Variants in GRIK4 observed in about 807,000 individuals in gnomAD.
The protein encoded by GRIK4 is glutamate receptor ionotropic, kainate 4.
In GRIK4, 40 loss-of-function variants were observed where a neutral mutation model predicts 104.9. That is an observed-to-expected ratio of 0.38 (90% CI 0.30 to 0.50). The LOEUF is 0.50. Ranked by LOEUF, GRIK4 falls within the 20% of genes least tolerant of loss-of-function variation. The probability of loss-of-function intolerance (pLI) is 0.93; values close to 1 mark genes in which losing one functional copy is unlikely to be tolerated. For synonymous variants in GRIK4, 485 were observed against 524.9 expected, an observed-to-expected ratio of 0.92 and a Z score of 1.04; for missense variants, 1,047 against 1,308.1, an observed-to-expected ratio of 0.80 and a Z score of 3.08.
chr11:120,888,449 T>C (rs1258218599), intron 11 of GRIK4, among the ~76,000 whole-genome samples: 1 of 152,214 alleles, frequency 6.6e-6, no homozygotes, highest in African/African-American at 2.4e-5. Context: ...AAGCCTTTAG[T>C]CCAGTACTTG....
chr11:120,614,410 G>A (rs1387808852), intron 1 of GRIK4, among the ~76,000 whole-genome samples: 1 of 152,180 alleles, frequency 6.6e-6, no homozygotes, highest in Non-Finnish European at 1.5e-5. Flanking sequence ...CTTGGGGCCT[G>A]TCCCATGTGC....
chr11:120,533,221 T>C (rs1947940203), intron 1 of GRIK4, among the ~76,000 whole-genome samples: 6 of 152,160 alleles, frequency 3.9e-5, no homozygotes, highest in Admixed American at 3.9e-4. Flanking sequence ...GAAAAGCACA[T>C]GTCACAGCTG....
intron 19 of GRIK4, among the ~76,000 whole-genome samples, chr11:120,978,515 A>T (rs976327078): frequency 1.3e-5 from 2 of 152,142 alleles, no homozygotes; most frequent in Non-Finnish European, 2.9e-5. Flanking sequence ...TTACTTGAGG[A>T]TGTGTCACAG....
chr11:120,596,622 C>G (rs1457476763), intron 1 of GRIK4, among the ~76,000 whole-genome samples: 2 of 152,082 alleles, frequency 1.3e-5, no homozygotes, highest in African/African-American at 4.8e-5. Context: ...CTCTGTCTCT[C>G]TATAAAGCAT....
chr11:120,536,344 G>C (rs182069181), intron 1 of GRIK4, among the ~76,000 whole-genome samples: 6 of 152,254 alleles, frequency 3.9e-5, no homozygotes, highest in African/African-American at 1.4e-4. Context: ...AAAGCTTTCC[G>C]AGTCTATGTG....
intron 11 of GRIK4, among the ~76,000 whole-genome samples, chr11:120,892,722 C>G (rs1955341031): frequency 6.6e-6 from 1 of 152,162 alleles, no homozygotes. Context: ...AGACCAAATC[C>G]AAGTCCCTGA....
rs571921644 is a variant in GRIK4 at position 120,838,858 on chromosome 11, C to T, written c.744+2014C>T. Among the ~76,000 whole-genome samples the T allele has an allele frequency of 2.6e-5, 4 of 152,256 alleles. No individual in the cohort carries two copies. The South Asian group carries it at 8.3e-4, about 32-fold the overall frequency. On this transcript the variant is annotated intron_variant, in intron 8 of 20. Coordinates refer to ENST00000527524, the MANE Select transcript of GRIK4 (RefSeq NM_014619.5). The stretch of plus-strand genomic sequence containing the variant: ...GAAGTGCAGTAGTGCCATCTTGATT[C>T]ACCTTCCAACCTCTGCCTCCCAGGT...
At chr11:120,602,091 T>C (rs1201993113) in intron 1 of GRIK4, among the ~76,000 whole-genome samples, 1 of 152,048 alleles carries the variant, frequency 6.6e-6, no homozygotes, top group African/African-American at 2.4e-5. Context: ...CGGGGCTGCC[T>C]TCCCCGGGCT....
intron 1 of GRIK4, among the ~76,000 whole-genome samples, chr11:120,602,698 G>C (rs1195634916): frequency 6.6e-6 from 1 of 152,164 alleles, no homozygotes; most frequent in African/African-American, 2.4e-5. Context: ...ATTTTCGTTA[G>C]TATCTTCTTC....
At chr11:120,544,964 T>C (rs1339831537) in intron 1 of GRIK4, among the ~76,000 whole-genome samples, 5 of 152,202 alleles carry the variant, frequency 3.3e-5, no homozygotes, top group Non-Finnish European at 7.4e-5. Context: ...TGTGGTCCAC[T>C]GTCACAACAA....
At chr11:120,776,531 G>T (rs1377934404) in intron 3 of GRIK4, among the ~76,000 whole-genome samples, 1 of 152,224 alleles carries the variant, frequency 6.6e-6, no homozygotes, top group African/African-American at 2.4e-5. Context: ...GGGGAATTAG[G>T]CTGTAAGAAC....
rs78147850 is a variant in GRIK4, at chr11:120,907,589, G to A, written c.1476+2096G>A. On this transcript the variant is annotated intron_variant, in intron 13 of 20. Transcript: ENST00000527524. Reference sequence around the variant, plus strand: ...TTGTAGACACTGGAGATACAATGGGGGACAAAATAAACACGGACACAGCCC... The same window carrying A: ...TTGTAGACACTGGAGATACAATGGGAGACAAAATAAACACGGACACAGCCC... Among the ~76,000 whole-genome samples, 1,247 of 152,144 alleles carry A rather than the reference G, an allele frequency of 8.2e-3. 24 individuals are homozygous for A. The highest frequency in any genetic ancestry group is 0.028 in the African/African-American group (1,173 of 41,470).
chr11:120,873,992 T>C (rs1592018373), intron 9 of GRIK4, 74 bp from the exon 10 acceptor site: 2 of 1,335,190 alleles, frequency 1.5e-6, no homozygotes, highest in Non-Finnish European at 2.1e-6. Flanking sequence ...ATTCCTCTTA[T>C]TTTCTCCCTC....
intron 1 of GRIK4, among the ~76,000 whole-genome samples, chr11:120,610,431 C>T (rs957961075): frequency 6.6e-6 from 1 of 152,176 alleles, no homozygotes; most frequent in Non-Finnish European, 1.5e-5. Flanking sequence ...CCCCCTAAGC[C>T]TCGGAACACG....
intron 3 of GRIK4, among the ~76,000 whole-genome samples, chr11:120,683,626 A>C (rs1456358578): frequency 6.6e-6 from 1 of 152,240 alleles, no homozygotes; most frequent in African/African-American, 2.4e-5. Context: ...TGGTGAGCCC[A>C]GGACTGAGCA....
intron 3 of GRIK4, among the ~76,000 whole-genome samples, chr11:120,708,906 C>T (rs1238631003): frequency 1.4e-5 from 2 of 139,460 alleles, no homozygotes; most frequent in East Asian, 2.1e-4. Flanking sequence ...TCCAGCAAGC[C>T]GGCTGGCTGC....
intron 3 of GRIK4, among the ~76,000 whole-genome samples, chr11:120,742,095 C>T (rs919740175): frequency 2.0e-5 from 3 of 152,132 alleles, no homozygotes; most frequent in Non-Finnish European, 4.4e-5. Context: ...CCTGTAATCC[C>T]AGCATTTTGA....
chr11:120,864,428 G>A (rs2135641929), intron 9 of GRIK4, among the ~76,000 whole-genome samples: 1 of 152,102 alleles, frequency 6.6e-6, no homozygotes, highest in South Asian at 2.1e-4. Flanking sequence ...TTTTAGTAGA[G>A]ATGGGGTTTC....
At chr11:120,611,443 C>CGT (rs1461852787) in intron 1 of GRIK4, among the ~76,000 whole-genome samples, 1 of 152,044 alleles carries the variant, frequency 6.6e-6, no homozygotes, top group Non-Finnish European at 1.5e-5. Context: ...CATGCATGCA[C>CGT]GTGTGTGTGT....
Sources: gnomAD v4.1 joint callset for allele counts (sites outside exome capture counted in the v4.1 genomes callset) on GRCh38, gnomAD v4.1.1 for gene constraint, MANE v1.5 for transcripts, NCBI Gene and HGNC (gene_info 2026-07-23, HGNC 2026-07-21) for gene names.